Variants in RBFOX1 observed in about 807,000 individuals in gnomAD.
RBFOX1 encodes the protein RNA binding fox-1 homolog 1, also known as RNA binding protein fox-1 homolog 1.
A neutral mutation model predicts 57.7 loss-of-function variants in RBFOX1; 8 were observed. The ratio of observed to expected loss-of-function variants is 0.14; its 90% CI spans 0.08 to 0.25. RBFOX1 has a LOEUF of 0.25. Among genes scored for constraint, RBFOX1 ranks in the 10% least tolerant of loss-of-function variants. RBFOX1 has a pLI of 1.00. For synonymous variants in RBFOX1, 326 were observed against 222.4 expected, an observed-to-expected ratio of 1.47 and a Z score of -4.15; for missense variants, 611 against 548.5, an observed-to-expected ratio of 1.11 and a Z score of -1.14.
chr16:5,813,589 T>A (rs1031587158), intron 3 of RBFOX1, among the ~76,000 whole-genome samples: 1 of 152,238 alleles, frequency 6.6e-6, no homozygotes, highest in African/African-American at 2.4e-5. Context: ...TCTGTTTATA[T>A]CAAATACCCA....
intron 2 of RBFOX1, among the ~76,000 whole-genome samples, chr16:5,551,507 A>T (rs2045463710): frequency 1.3e-5 from 2 of 152,122 alleles, no homozygotes; most frequent in Admixed American, 1.3e-4. Context: ...TTAGGAATAG[A>T]TTTACAAAGT....
intron 3 of RBFOX1, among the ~76,000 whole-genome samples, chr16:6,884,172 C>A (rs1261229894): frequency 6.6e-6 from 1 of 152,168 alleles, no homozygotes; most frequent in Non-Finnish European, 1.5e-5. Context: ...CTTCCGAGGC[C>A]CCTTCTGCTC....
chr16:7,322,886 C>G (rs1568206441), intron 4 of RBFOX1, among the ~76,000 whole-genome samples: 1 of 152,132 alleles, frequency 6.6e-6, no homozygotes, highest in Non-Finnish European at 1.5e-5. Flanking sequence ...TCCTGGTGTT[C>G]CCTGGTGATT....
intron 1 of RBFOX1, among the ~76,000 whole-genome samples, chr16:6,141,021 T>C (rs71392461): frequency 0.072 from 11,022 of 152,216 alleles, 514 homozygotes; most frequent in African/African-American, 0.12. Flanking sequence ...CTCTCTGCCC[T>C]CCCACATTGT....
intron 2 of RBFOX1, among the ~76,000 whole-genome samples, chr16:5,555,068 T>A (rs532108457): frequency 1.6e-3 from 251 of 152,220 alleles, no homozygotes; most frequent in Non-Finnish European, 3.1e-3. Context: ...AATTAATAAA[T>A]GTACTCTTTT....
chr16:7,208,368 G>C (rs978965201), intron 4 of RBFOX1, among the ~76,000 whole-genome samples: 15 of 152,192 alleles, frequency 9.9e-5, no homozygotes, highest in African/African-American at 3.6e-4. Flanking sequence ...AAAGAGGGGT[G>C]TTTTGGCTTA....
At chr16:7,189,554 AACACACAC>A (rs779531861) in intron 4 of RBFOX1, among the ~76,000 whole-genome samples, 4 of 135,806 alleles carry the variant, frequency 2.9e-5, no homozygotes, top group Non-Finnish European at 4.7e-5. Context: ...TGTCCCCCAA[AACACACAC>A]ACACACACAC....
chr16:7,022,237 G>T (rs186466392), intron 3 of RBFOX1, among the ~76,000 whole-genome samples: 1 of 150,638 alleles, frequency 6.6e-6, no homozygotes, highest in Admixed American at 6.6e-5. Flanking sequence ...TTCTTTGGTA[G>T]AGACGGGATT....
At chr16:7,560,640 C>A (rs2090102489) in intron 5 of RBFOX1, among the ~76,000 whole-genome samples, 1 of 151,994 alleles carries the variant, frequency 6.6e-6, no homozygotes, top group Non-Finnish European at 1.5e-5. Context: ...CGAGTGTCAT[C>A]CTTCCTTTTT....
chr16:6,257,902 T>A (rs1253100307), intron 1 of RBFOX1, among the ~76,000 whole-genome samples: 1 of 152,202 alleles, frequency 6.6e-6, no homozygotes, highest in African/African-American at 2.4e-5. Flanking sequence ...GATGTGTCTT[T>A]ATACTAGAAT....
At chr16:7,033,670 G>A (rs904914052) in intron 3 of RBFOX1, among the ~76,000 whole-genome samples, 36 of 152,142 alleles carry the variant, frequency 2.4e-4, no homozygotes, top group African/African-American at 7.0e-4. Flanking sequence ...AGGGAGGCTG[G>A]GATGGGGCTT....
At chr16:6,896,074 ACCAACCTGG>A (rs1435420739) in intron 3 of RBFOX1, among the ~76,000 whole-genome samples, 1 of 152,102 alleles carries the variant, frequency 6.6e-6, no homozygotes, top group Non-Finnish European at 1.5e-5. Context: ...GGAGTTTGGG[ACCAACCTGG>A]CCAACATGGT....
intron 2 of RBFOX1, among the ~76,000 whole-genome samples, chr16:5,565,312 C>T (rs762329494): frequency 1.3e-5 from 2 of 150,838 alleles, no homozygotes; most frequent in Admixed American, 6.6e-5. Flanking sequence ...CATGCATGTG[C>T]ACATACCACT....
In RBFOX1 at chr16:7,638,984, G is replaced by A. The variant is rs561124802; in HGVS notation, c.757+8301G>A. Among the ~76,000 whole-genome samples the A allele has an allele frequency of 4.0e-5, 6 of 149,616 alleles. 1 individual carries two copies. The highest frequency in any genetic ancestry group is 4.2e-4 in the South Asian group (2 of 4,804). ...TGTACCATTTTATCACATTTTAAAT[G>A]ACGTGAAGTAGTACATAAAGATAGG... is the stretch of plus-strand genomic sequence containing the variant. On this transcript the variant is annotated intron_variant, in intron 11 of 15. Coordinates refer to ENST00000550418, the MANE Select transcript of RBFOX1 (RefSeq NM_018723.4).
intron 1 of RBFOX1, among the ~76,000 whole-genome samples, chr16:6,244,431 C>G (rs2097557686): frequency 6.6e-6 from 1 of 152,210 alleles, no homozygotes; most frequent in Non-Finnish European, 1.5e-5. Flanking sequence ...CTAGGGATAA[C>G]ATGGTCTGCA....
chr16:6,817,365 C>T (rs530020706), intron 3 of RBFOX1, among the ~76,000 whole-genome samples: 1 of 152,002 alleles, frequency 6.6e-6, no homozygotes, highest in Non-Finnish European at 1.5e-5. Context: ...TGTCACCCTT[C>T]TTTAGTGTCT....
intron 2 of RBFOX1, among the ~76,000 whole-genome samples, chr16:6,478,941 C>T (rs934519024): frequency 6.6e-6 from 1 of 151,990 alleles, no homozygotes; most frequent in Non-Finnish European, 1.5e-5. Flanking sequence ...AAATGTGATA[C>T]AAAAACATAA....
intron 3 of RBFOX1, among the ~76,000 whole-genome samples, chr16:7,035,983 A>T (rs1051536661): frequency 2.6e-5 from 4 of 152,142 alleles, no homozygotes; most frequent in African/African-American, 4.8e-5. Context: ...AATACTCCTC[A>T]AGTTTCTCAA....
At chr16:5,906,316 A>G (rs1050219288) in intron 4 of RBFOX1, among the ~76,000 whole-genome samples, 1 of 152,246 alleles carries the variant, frequency 6.6e-6, no homozygotes, top group Non-Finnish European at 1.5e-5. Context: ...AAATTTGGAC[A>G]CAAACACGCA....
Sources: allele counts gnomAD v4.1 joint callset (sites outside exome capture counted in the v4.1 genomes callset), GRCh38; gene constraint gnomAD v4.1.1; transcripts MANE v1.5; gene names NCBI Gene and HGNC (gene_info 2026-07-23, HGNC 2026-07-21).